SEC24A: variants seen among roughly 807,000 people sequenced by gnomAD.
SEC24A encodes protein transport protein Sec24A.
In SEC24A, 93 loss-of-function variants were observed where a neutral mutation model predicts 129.4. That is an observed-to-expected ratio of 0.72 (90% CI 0.61 to 0.85). The LOEUF (loss-of-function observed/expected upper bound fraction) is 0.85, where lower values mean the gene tolerates loss of function less well. Among genes scored for constraint, SEC24A ranks in the 40% least tolerant of loss-of-function variants. The probability of loss-of-function intolerance (pLI) is 0.00; values close to 1 mark genes in which losing one functional copy is unlikely to be tolerated. For missense variants in SEC24A, 1,264 were observed against 1,307.4 expected, an observed-to-expected ratio of 0.97 and a Z score of 0.51; for synonymous variants, 460 against 467.3, an observed-to-expected ratio of 0.98 and a Z score of 0.20.
intron 18 of SEC24A, among the ~76,000 whole-genome samples, chr5:134,712,419 T>G (rs983029065): frequency 6.6e-6 from 1 of 151,082 alleles, no homozygotes. Context: ...CCCAGCTAAT[T>G]TTTTGTATTT....
chr5:134,686,789 G>C lies in SEC24A; in HGVS notation c.1492-1G>C, dbSNP rs368606877. The stretch of plus-strand genomic sequence containing the variant: ...ACTTAACAAGATCTTTTTTTCTTCA[G>C]TTACGACCACCTCAGCCTCCAGTGT... On this transcript the variant is annotated splice_acceptor_variant, in intron 9 of 22. Transcript: ENST00000398844. LOFTEE classifies it high-confidence loss of function. The C allele has an allele frequency of 1.3e-6, 2 of 1,578,416 alleles. No homozygotes were observed. Among genetic ancestry groups the C allele is most frequent in the Non-Finnish European group, 1.7e-6 (2 of 1,160,802 alleles).
intron 15 of SEC24A, among the ~76,000 whole-genome samples, chr5:134,700,847 T>C (rs1751984525): frequency 6.6e-6 from 1 of 152,032 alleles, no homozygotes; most frequent in Non-Finnish European, 1.5e-5. Flanking sequence ...CCCTCCCAAG[T>C]AGCTGGAACT....
Position 134,725,025 on chromosome 5 carries a change from A to G in SEC24A, c.3213A>G (p.Glu1071=). 1 of 1,610,564 alleles carries G rather than the reference A, an allele frequency of 6.2e-7. No homozygotes were observed. Reference sequence around the variant, plus strand: ...CAAACTTCCTTCAAAACATGATAGAAGACAGAACAGAATCTGCATTATCAT... The same window carrying G: ...CAAACTTCCTTCAAAACATGATAGAGGACAGAACAGAATCTGCATTATCAT... ...MKANFLQNMI[E]DRTESALSYY... is the part of the protein sequence containing the mutation. Residue 1071 remains glutamate (E), a synonymous_variant, in exon 23 of 23, where the codon GAA becomes GAG. Coordinates refer to ENST00000398844, the MANE Select transcript of SEC24A (RefSeq NM_021982.3).
In SEC24A at chr5:134,717,745, G is replaced by A. The variant is rs190448618; in HGVS notation, c.2866-324G>A. Among the ~76,000 whole-genome samples the A allele has an allele frequency of 1.2e-4, 18 of 151,226 alleles. No individual in the cohort carries two copies. In the East Asian group the frequency reaches 3.0e-3, roughly 25 times the overall value. On this transcript the variant is annotated intron_variant, in intron 19 of 22. Transcript: ENST00000398844. ...AGCCTGACCAACATGGAGAAACTCC[G>A]TCTCTACTAAAAATACAAAATTAGC...
At chr5:134,658,074 G>A (rs912437715) in intron 1 of SEC24A, among the ~76,000 whole-genome samples, 1 of 152,100 alleles carries the variant, frequency 6.6e-6, no homozygotes, top group Non-Finnish European at 1.5e-5. Flanking sequence ...TTCAAGAACA[G>A]CCTGGCCAAC....
chr5:134,702,741 A>G (rs1367224777), intron 15 of SEC24A, among the ~76,000 whole-genome samples: 1 of 152,032 alleles, frequency 6.6e-6, no homozygotes, highest in Non-Finnish European at 1.5e-5. Context: ...AACAAATCAC[A>G]GTTTAGTTTT....
chr5:134,661,495 A>T lies in SEC24A; in HGVS notation c.474A>T (p.Gln158His), dbSNP rs777192947. 3.7e-6 allele frequency: 6 copies of T among 1,614,130 alleles called. No individual in the cohort carries two copies. The highest frequency in any genetic ancestry group is 1.7e-6 in the Non-Finnish European group (2 of 1,180,014). The change falls in exon 2 of 23, where the codon CAA (glutamine) becomes CAT (histidine). Residue 158 changes from glutamine (Q) to histidine (H), a missense_variant. Transcript: ENST00000398844. ...QTNHCPRASS[Q>H]PTVSGNTSLT... ...ACCATTGTCCTCGTGCATCATCCCA[A>T]CCAACTGTATCTGGAAATACAAGTT...
At chr5:134,714,891 A>G in intron 18 of SEC24A, 133 bp from the exon 19 acceptor site, 1 of 884,952 alleles carries the variant, frequency 1.1e-6, no homozygotes, top group East Asian at 2.7e-5. Context: ...CTTAAAAAAG[A>G]TACTTTAAAA....
intron 15 of SEC24A, among the ~76,000 whole-genome samples, chr5:134,698,639 T>TC (rs1467284127): frequency 6.7e-6 from 1 of 148,708 alleles, no homozygotes; most frequent in Non-Finnish European, 1.5e-5. Flanking sequence ...TGTTTTTTTT[T>TC]TTTTTTTTTT....
At chr5:134,715,334 A>C (rs969734752) in intron 19 of SEC24A, 173 bp downstream of exon 19, 9 of 528,802 alleles carry the variant, frequency 1.7e-5, no homozygotes, top group African/African-American at 1.6e-4. Context: ...GAAGCTCTTA[A>C]AAATAGTGCC....
intron 3 of SEC24A, 121 bp downstream of exon 3, chr5:134,667,117 G>C: frequency 1.2e-6 from 1 of 811,376 alleles, no homozygotes; most frequent in Admixed American, 3.5e-5. Context: ...TTTTGGTTAG[G>C]GATGGGCTAC....
intron 1 of SEC24A, among the ~76,000 whole-genome samples, chr5:134,650,893 G>C (rs1750025821): frequency 6.6e-6 from 1 of 151,816 alleles, no homozygotes; most frequent in Admixed American, 6.6e-5. Context: ...TCCTGCCTCA[G>C]CCTCTGAAGT....
intron 13 of SEC24A, among the ~76,000 whole-genome samples, chr5:134,696,135 T>C (rs557630776): frequency 6.6e-6 from 1 of 150,430 alleles, no homozygotes; most frequent in African/African-American, 2.4e-5. Flanking sequence ...CTGGGCATGG[T>C]GGTGCATGCC....
chr5:134,661,083 G>A (rs545068544), intron 1 of SEC24A, 36 bp from the exon 2 acceptor site: 14 of 1,415,748 alleles, frequency 9.9e-6, no homozygotes, highest in African/African-American at 2.9e-5. Flanking sequence ...TGCTATATTC[G>A]TTGGTAAGAC....
In SEC24A at chr5:134,649,004, T is replaced by C. The variant is rs1218990974; in HGVS notation, c.-73T>C. The C allele has an allele frequency of 2.7e-6, 3 of 1,104,514 alleles. No homozygotes were observed. Among genetic ancestry groups the C allele is most frequent in the Admixed American group, 2.1e-5 (1 of 47,986 alleles). 68.4% of individuals were successfully genotyped at this position (1,104,514 alleles called of 1,614,324 possible). On this transcript the variant is annotated 5_prime_UTR_variant, in exon 1 of 23. Coordinates refer to ENST00000398844, the MANE Select transcript of SEC24A (RefSeq NM_021982.3). ...AGTCGTTAGCCTCCTCCCTCCGCTT[T>C]CAGCAGTGGTCTTTCAGCTCTCTTC...
chr5:134,690,686 C>T lies in SEC24A; in HGVS notation c.1724-1916C>T, dbSNP rs560647124. Among the ~76,000 whole-genome samples, 5 of 152,308 alleles carry T rather than the reference C, an allele frequency of 3.3e-5. No individual in the cohort carries two copies. The South Asian group carries it at 8.3e-4, about 25-fold the overall frequency. On this transcript the variant is annotated intron_variant, in intron 11 of 22. Transcript: ENST00000398844. Reference sequence around the variant, plus strand: ...AGTGATTATCCTTGTAATCCTCCACCACTCTCTTCCCAGTTTGCTCCCTTT... The same window carrying T: ...AGTGATTATCCTTGTAATCCTCCACTACTCTCTTCCCAGTTTGCTCCCTTT...
Position 134,671,925 on chromosome 5 carries a change from TC to T in SEC24A, c.817+40del, listed in dbSNP as rs753674053. 10 of 1,227,784 alleles carry T rather than the reference TC, an allele frequency of 8.1e-6. No homozygotes were observed. In the South Asian group the frequency reaches 1.3e-4, roughly 16 times the overall value. 76.1% of individuals were successfully genotyped at this position (1,227,784 alleles called of 1,614,324 possible). On this transcript the variant is annotated intron_variant, in intron 4 of 22. Transcript: ENST00000398844. ...AAAGTTTTTTTTTTAATCTCTTTTT[TC>T]TGATTATAGAAATAATATGTGGTAA...
Position 134,688,319 on chromosome 5 carries a change from C to G in SEC24A, c.1723+20C>G. ...TTGAAGGTATAGATTTATTGAACTA[C>G]TTTCATAATTTTTCAGTTTTAGAAA... is the stretch of plus-strand genomic sequence containing the variant. On this transcript the variant is annotated intron_variant, in intron 11 of 22. Transcript: ENST00000398844. The G allele has an allele frequency of 7.3e-7, 1 of 1,366,624 alleles. No homozygotes were observed. Among genetic ancestry groups the G allele is most frequent in the South Asian group, 1.2e-5 (1 of 83,184 alleles). The allele number at this position is 1,366,624 out of a possible 1,614,324, so 84.7% of individuals were successfully genotyped here. A position where few individuals can be genotyped will look rare whatever the true frequency, so the allele number is the denominator to read the frequency against.
In SEC24A at chr5:134,718,128, G is replaced by A. The variant is rs763454152; in HGVS notation, c.2925G>A (p.Val975=). 6 of 1,614,060 alleles carry A rather than the reference G, an allele frequency of 3.7e-6. No individual in the cohort carries two copies. The East Asian group carries it at 1.1e-4, about 30-fold the overall frequency. Reference sequence around the variant, plus strand: ...AGCCCCCCATTCTTCAGCTTTCAGTGGAGAAGCTGAGCAGAGATGGAGCTT... The same window carrying A: ...AGCCCCCCATTCTTCAGCTTTCAGTAGAGAAGCTGAGCAGAGATGGAGCTT... ...IPQPPILQLS[V]EKLSRDGAFL... Residue 975 remains valine, a synonymous_variant, in exon 20 of 23, where the codon GTG becomes GTA. Transcript: ENST00000398844.
Sources: allele counts gnomAD v4.1 joint callset (sites outside exome capture counted in the v4.1 genomes callset), GRCh38; gene constraint gnomAD v4.1.1; transcripts MANE v1.5; gene names NCBI Gene and HGNC (gene_info 2026-07-23, HGNC 2026-07-21).